Variants in PICALM observed in about 807,000 individuals in gnomAD.
The protein encoded by PICALM is phosphatidylinositol binding clathrin assembly protein.
PICALM carries 40 observed loss-of-function variants against 80.5 expected under a neutral mutation model. The ratio of observed to expected loss-of-function variants is 0.50; its 90% CI spans 0.39 to 0.65. The LOEUF (loss-of-function observed/expected upper bound fraction) is 0.65. PICALM is among the 30% of genes least tolerant of loss of function. PICALM has a pLI of 0.00. For missense variants in PICALM, 676 were observed against 778.9 expected (o/e 0.87, Z 1.57); for synonymous variants, 288 against 260.3 (o/e 1.11, Z -1.02).
At chr11:86,045,967 G>A (rs192233761) in intron 1 of PICALM, among the ~76,000 whole-genome samples, 5 of 152,286 alleles carry the variant, frequency 3.3e-5, no homozygotes, top group Admixed American at 1.3e-4. Flanking sequence ...ACTGGAGAAT[G>A]TTAACTAGTT....
At position 86,029,837 on chromosome 11, in the gene PICALM, C is replaced by T. The variant is rs150765281; in HGVS notation, c.273+1632G>A. 3.1e-3 allele frequency among the ~76,000 whole-genome samples: 473 copies of T among 152,284 alleles called. 4 individuals are homozygous for T. Among genetic ancestry groups the T allele is most frequent in the South Asian group, 0.011 (51 of 4,832 alleles). ...ATCCTAGTTAAGATGTTTCAAGTTA[C>T]ATTTAAGCTAATACAGCCAAACATT... On this transcript the variant is annotated intron_variant, in intron 2 of 19. Coordinates refer to ENST00000393346, the MANE Select transcript of PICALM (RefSeq NM_007166.4).
In PICALM at chr11:85,999,278, T is replaced by A. The variant is rs375343899; in HGVS notation, c.1154+1365A>T. ...AGTAGATATAAACGCATTTAGTGCT[T>A]TGGGGAACATATAGAATATACAATA... is the stretch of plus-strand genomic sequence containing the variant. On this transcript the variant is annotated intron_variant, in intron 11 of 19. Transcript: ENST00000393346. Among the ~76,000 whole-genome samples, 454 of 152,090 alleles carry A rather than the reference T, an allele frequency of 3.0e-3. 3 individuals are homozygous for A. The highest frequency in any genetic ancestry group is 0.011 in the African/African-American group (436 of 41,466).
chr11:86,061,401 C>G (rs1329728138), intron 1 of PICALM, among the ~76,000 whole-genome samples: 4 of 121,866 alleles, frequency 3.3e-5, no homozygotes, highest in African/African-American at 1.2e-4. Flanking sequence ...TCAAAATAAA[C>G]AACTCTCAAA....
At chr11:86,036,426 T>C (rs187663521) in intron 1 of PICALM, among the ~76,000 whole-genome samples, 40 of 152,318 alleles carry the variant, frequency 2.6e-4, no homozygotes, top group Non-Finnish European at 4.4e-4. Flanking sequence ...TAACTTCCAG[T>C]AGAATTAACT....
chr11:86,007,566 T>G lies in PICALM; in HGVS notation c.783A>C (p.Arg261Ser). Residue 261 changes from arginine (R) to serine (S), a missense_variant, in exon 8 of 20, where the codon AGA becomes AGC. Physicochemically the swap from Arg to Ser is moderately radical, Grantham distance 110 (BLOSUM62 -1). Transcript: ENST00000393346. ...LKVAEQVGID[R>S]GDIPDLSQAP... is the part of the protein sequence containing the mutation. ...CCTGTGAAAGGTCTGGTATATCACC[T>G]CTGTCAATTCCAACTTGCTGTAAGA... The G allele has an allele frequency of 1.3e-6, 2 of 1,488,524 alleles. No individual in the cohort carries two copies. The highest frequency in any genetic ancestry group is 1.9e-6 in the Non-Finnish European group (2 of 1,076,958). The allele number at this position is 1,488,524 out of a possible 1,614,324, so 92.2% of individuals were successfully genotyped here.
chr11:85,990,183 T>C, intron 13 of PICALM, 67 bp downstream of exon 13: 1 of 818,650 alleles, frequency 1.2e-6, no homozygotes. Context: ...AAATAATTAA[T>C]GGACACGTAA....
chr11:86,003,002 A>G, intron 9 of PICALM, among the ~76,000 whole-genome samples: 1 of 151,606 alleles, frequency 6.6e-6, no homozygotes, highest in East Asian at 1.9e-4. Flanking sequence ...ATAGAGTGAG[A>G]CTCTGCCTCG....
At chr11:86,019,642 T>C (rs1007681341) in intron 4 of PICALM, among the ~76,000 whole-genome samples, 2 of 152,236 alleles carry the variant, frequency 1.3e-5, no homozygotes, top group African/African-American at 4.8e-5. Flanking sequence ...TTCTCCACCA[T>C]AATCTTCTAC....
At chr11:86,061,951 C>T (rs1226093378) in intron 1 of PICALM, among the ~76,000 whole-genome samples, 4 of 151,832 alleles carry the variant, frequency 2.6e-5, no homozygotes, top group Non-Finnish European at 2.9e-5. Context: ...GCTGTCAAAC[C>T]GTGAAAAGCC....
chr11:86,027,280 A>G (rs1416492901), intron 2 of PICALM, among the ~76,000 whole-genome samples: 1 of 152,168 alleles, frequency 6.6e-6, no homozygotes, highest in African/African-American at 2.4e-5. Flanking sequence ...AGGCCAGCAC[A>G]TATGTAAAAG....
intron 15 of PICALM, 24 bp downstream of exon 15, chr11:85,981,848 T>C: frequency 1.2e-6 from 2 of 1,612,786 alleles, no homozygotes; most frequent in Non-Finnish European, 1.7e-6. Flanking sequence ...TAAAAGAAGA[T>C]TAACGTATCC....
chr11:85,992,863 A>G (rs2094832718), intron 12 of PICALM, among the ~76,000 whole-genome samples: 1 of 152,216 alleles, frequency 6.6e-6, no homozygotes, highest in Admixed American at 6.5e-5. Flanking sequence ...ACCTTAGAGA[A>G]GAATATTCAG....
At chr11:86,061,525 A>G (rs926210426) in intron 1 of PICALM, among the ~76,000 whole-genome samples, 5 of 152,080 alleles carry the variant, frequency 3.3e-5, no homozygotes, top group African/African-American at 9.7e-5. Flanking sequence ...AAAAAGTCAC[A>G]TAATCAGGAA....
intron 1 of PICALM, among the ~76,000 whole-genome samples, chr11:86,050,593 C>T (rs1331209845): frequency 6.6e-6 from 1 of 152,138 alleles, no homozygotes; most frequent in Non-Finnish European, 1.5e-5. Context: ...ATAATGTTTA[C>T]ATTTCTGTGT....
At chr11:85,966,078 C>A (rs11234496) in intron 19 of PICALM, among the ~76,000 whole-genome samples, 7 of 152,038 alleles carry the variant, frequency 4.6e-5, no homozygotes, top group African/African-American at 1.7e-4. Flanking sequence ...CCCAGCCTCC[C>A]AAAGTGCTGG....
At chr11:86,002,817 A>T (rs889853776) in intron 9 of PICALM, among the ~76,000 whole-genome samples, 7 of 152,164 alleles carry the variant, frequency 4.6e-5, no homozygotes, top group Non-Finnish European at 8.8e-5. Flanking sequence ...GTTCGAGACC[A>T]GCCTGCTCAA....
At chr11:86,063,681 A>G (rs902663296) in intron 1 of PICALM, among the ~76,000 whole-genome samples, 1 of 152,190 alleles carries the variant, frequency 6.6e-6, no homozygotes, top group African/African-American at 2.4e-5. Flanking sequence ...GGCATTTGAC[A>G]TGTGTGATCA....
At chr11:86,052,742 T>G (rs183257047) in intron 1 of PICALM, among the ~76,000 whole-genome samples, 1 of 152,212 alleles carries the variant, frequency 6.6e-6, no homozygotes, top group African/African-American at 2.4e-5. Flanking sequence ...TGACCTACAG[T>G]AGCCAAAAAG....
chr11:86,050,812 C>CTT (rs71468978), intron 1 of PICALM, among the ~76,000 whole-genome samples: 2 of 151,748 alleles, frequency 1.3e-5, no homozygotes, highest in Admixed American at 6.6e-5. Context: ...AAGAAACTCC[C>CTT]TTTTTTTTAC....
Sources: gnomAD v4.1 joint callset for allele counts (sites outside exome capture counted in the v4.1 genomes callset) on GRCh38, gnomAD v4.1.1 for gene constraint, MANE v1.5 for transcripts, NCBI Gene and HGNC (gene_info 2026-07-23, HGNC 2026-07-21) for gene names.